The following KLF12 variants were observed in gnomAD, a reference collection of about 807,000 sequenced individuals.
KLF12 encodes KLF transcription factor 12, also known as Krueppel-like factor 12.
Under a neutral mutation model 37.8 loss-of-function variants are expected in KLF12, and 9 were observed. The observed-to-expected ratio is 0.24, with a 90% CI of 0.14 to 0.42. KLF12 has a LOEUF of 0.42. Ranked by LOEUF, KLF12 falls within the 10% of genes least tolerant of loss-of-function variation. The pLI, the probability that KLF12 is intolerant of heterozygous loss-of-function variation, is 1.00. For synonymous variants in KLF12, 208 were observed against 202.1 expected (o/e 1.03, Z -0.25); for missense variants, 411 against 516.0 (o/e 0.80, Z 1.97).
At chr13:73,843,498 C>T (rs963091510) in intron 4 of KLF12, among the ~76,000 whole-genome samples, 6 of 151,640 alleles carry the variant, frequency 4.0e-5, no homozygotes, top group African/African-American at 9.7e-5. Context: ...TAGTAGAGAT[C>T]GGGTTTCAAA....
intron 1 of KLF12, among the ~76,000 whole-genome samples, chr13:74,086,650 T>C (rs1032472518): frequency 1.3e-5 from 2 of 152,084 alleles, no homozygotes; most frequent in Non-Finnish European, 2.9e-5. Context: ...ATACATACTG[T>C]TGACCCCTGA....
At chr13:73,978,745 C>T (rs1027973793) in intron 2 of KLF12, among the ~76,000 whole-genome samples, 6 of 152,126 alleles carry the variant, frequency 3.9e-5, no homozygotes, top group East Asian at 1.9e-4. Context: ...GTGTTACTTA[C>T]AGTTGCCAAA....
At chr13:74,029,347 A>G (rs1031406418) in intron 1 of KLF12, among the ~76,000 whole-genome samples, 1 of 152,130 alleles carries the variant, frequency 6.6e-6, no homozygotes, top group South Asian at 2.1e-4. Context: ...GTATATGTCA[A>G]GAAAATTTCA....
the KLF12 span, among the ~76,000 whole-genome samples, chr13:74,305,748 G>A: frequency 2.0e-5 from 3 of 152,000 alleles, no homozygotes; most frequent in African/African-American, 7.2e-5. Context: ...ACTATTTGCT[G>A]CTCTTTTCCT....
intron 2 of KLF12, among the ~76,000 whole-genome samples, chr13:73,957,004 A>G (rs9318235): frequency 7.0e-6 from 1 of 142,770 alleles, no homozygotes; most frequent in Non-Finnish European, 1.5e-5. Flanking sequence ...AAGGAGGGAA[A>G]GGAAAGGAAA....
At chr13:74,076,250 G>T (rs1168191952) in intron 1 of KLF12, among the ~76,000 whole-genome samples, 1 of 152,004 alleles carries the variant, frequency 6.6e-6, no homozygotes. Context: ...TTTCATAATT[G>T]CACATCTTAG....
chr13:74,169,637 T>G, the KLF12 span, among the ~76,000 whole-genome samples: 1 of 152,226 alleles, frequency 6.6e-6, no homozygotes, highest in Non-Finnish European at 1.5e-5. Flanking sequence ...GATAACTTTT[T>G]GAAATATTGA....
intron 6 of KLF12, among the ~76,000 whole-genome samples, chr13:73,724,951 G>A (rs887288302): frequency 2.0e-5 from 3 of 151,708 alleles, no homozygotes; most frequent in East Asian, 1.9e-4. Flanking sequence ...ACATCAGATA[G>A]TTAGAACTAC....
chr13:73,972,791 G>T (rs1489375536), intron 2 of KLF12, among the ~76,000 whole-genome samples: 1 of 151,106 alleles, frequency 6.6e-6, no homozygotes, highest in Non-Finnish European at 1.5e-5. Flanking sequence ...ACTCAAGGTT[G>T]TGTGTGTTTT....
chr13:73,906,375 G>C (rs1888296699), intron 3 of KLF12, among the ~76,000 whole-genome samples: 1 of 152,092 alleles, frequency 6.6e-6, no homozygotes, highest in East Asian at 1.9e-4. Flanking sequence ...ATTTTCCTTT[G>C]TGTGCTGCCT....
chr13:73,703,821 T>C (rs1874727747), intron 7 of KLF12, among the ~76,000 whole-genome samples: 1 of 152,158 alleles, frequency 6.6e-6, no homozygotes, highest in South Asian at 2.1e-4. Flanking sequence ...AGTGCTGTCA[T>C]AAACCAGGAT....
At chr13:73,978,697 A>C (rs1020775821) in intron 2 of KLF12, among the ~76,000 whole-genome samples, 1 of 152,198 alleles carries the variant, frequency 6.6e-6, no homozygotes, top group African/African-American at 2.4e-5. Context: ...AAACTTATAT[A>C]TATCTACACA....
chr13:73,983,106 C>T (rs937670661), intron 2 of KLF12, among the ~76,000 whole-genome samples: 2 of 152,100 alleles, frequency 1.3e-5, no homozygotes, highest in Non-Finnish European at 2.9e-5. Context: ...GTATGAGGCT[C>T]GCACCCTGTC....
chr13:74,063,049 G>A (rs752770778), intron 1 of KLF12, among the ~76,000 whole-genome samples: 48 of 152,222 alleles, frequency 3.2e-4, no homozygotes, highest in African/African-American at 1.0e-3. Context: ...TTTTTGCTTC[G>A]GAAAAACCTC....
intron 4 of KLF12, among the ~76,000 whole-genome samples, chr13:73,816,459 C>A (rs1883225955): frequency 6.6e-6 from 1 of 152,226 alleles, no homozygotes. Flanking sequence ...GTAGAGGTGT[C>A]ATTCCTCGGA....
Position 73,693,545 on chromosome 13 carries a change from C to A in KLF12, c.*1945G>T, listed in dbSNP as rs1263241504. 2 of 152,328 alleles carry A rather than the reference C, an allele frequency of 1.3e-5. No homozygotes were observed. Among genetic ancestry groups the A allele is most frequent in the Non-Finnish European group, 2.9e-5 (2 of 68,018 alleles). 9.4% of individuals were successfully genotyped at this position (152,328 alleles called of 1,614,324 possible). On this transcript the variant is annotated 3_prime_UTR_variant, in exon 8 of 8. Transcript: ENST00000377669. ...AATTCCTTTTGAATACCATCCAACA[C>A]AAATTGTCCTTGTTTCAACGTTCAT... is the stretch of plus-strand genomic sequence containing the variant.
chr13:73,741,851 C>A (rs1229235100), intron 6 of KLF12, among the ~76,000 whole-genome samples: 1 of 152,180 alleles, frequency 6.6e-6, no homozygotes, highest in African/African-American at 2.4e-5. Flanking sequence ...TTTATCATTT[C>A]ACAAATATTT....
chr13:74,072,396 T>TATATATATAC (rs1874316252), intron 1 of KLF12, among the ~76,000 whole-genome samples: 1 of 126,020 alleles, frequency 7.9e-6, no homozygotes, highest in Non-Finnish European at 1.6e-5. Flanking sequence ...TATATATATA[T>TATATATATAC]ATATATATAT....
rs911262282 is a variant in KLF12, at chr13:73,963,351, T to C, written c.34-19281A>G. ...TATGCTGAAGTATAGTACTTCAGTA[T>C]ACACACACACACACACACACTCGGA... On this transcript the variant is annotated intron_variant, in intron 2 of 7. Coordinates refer to ENST00000377669, the MANE Select transcript of KLF12 (RefSeq NM_007249.5). Among the ~76,000 whole-genome samples, 73 of 149,202 alleles carry C rather than the reference T, an allele frequency of 4.9e-4. 1 individual carries two copies. The highest frequency in any genetic ancestry group is 1.7e-3 in the African/African-American group (68 of 40,402).
Sources: allele counts gnomAD v4.1 joint callset (sites outside exome capture counted in the v4.1 genomes callset), GRCh38; gene constraint gnomAD v4.1.1; transcripts MANE v1.5; gene names NCBI Gene and HGNC (gene_info 2026-07-23, HGNC 2026-07-21).